The following GRM7 variants were observed in gnomAD, a reference collection of about 807,000 sequenced individuals.
GRM7 encodes the protein metabotropic glutamate receptor 7.
In GRM7, 35 loss-of-function variants were observed where a neutral mutation model predicts 84.5. The ratio of observed to expected loss-of-function variants is 0.41; its 90% CI spans 0.32 to 0.55. The LOEUF is 0.55. Ranked by LOEUF, GRM7 falls within the 20% of genes least tolerant of loss-of-function variation. The pLI, the probability that GRM7 is intolerant of heterozygous loss-of-function variation, is 0.19. For missense variants in GRM7, 1,003 were observed against 1,194.6 expected (o/e 0.84, Z 2.36); for synonymous variants, 487 against 455.1 (o/e 1.07, Z -0.89).
intron 1 of GRM7, among the ~76,000 whole-genome samples, chr3:6,926,598 G>T (rs918378275): frequency 6.6e-6 from 1 of 152,160 alleles, no homozygotes; most frequent in Non-Finnish European, 1.5e-5. Flanking sequence ...GTCTTACAAG[G>T]ATGTGATGGA....
chr3:7,099,427 T>G (rs1698994173), intron 1 of GRM7, among the ~76,000 whole-genome samples: 1 of 149,216 alleles, frequency 6.7e-6, no homozygotes, highest in Non-Finnish European at 1.5e-5. Context: ...TGCATGTATA[T>G]ACGTATACAT....
chr3:7,250,573 G>C (rs538625053), intron 2 of GRM7, among the ~76,000 whole-genome samples: 36 of 27,902 alleles, frequency 1.3e-3, no homozygotes, highest in Non-Finnish European at 1.9e-3. Context: ...AACCAGGCTG[G>C]AGTGCAGTGG....
At chr3:6,970,855 G>A (rs1188023636) in intron 1 of GRM7, among the ~76,000 whole-genome samples, 2 of 152,074 alleles carry the variant, frequency 1.3e-5, no homozygotes, top group South Asian at 2.1e-4. Context: ...GGTGGCGGGC[G>A]CCTGTAGTCC....
intron 1 of GRM7, among the ~76,000 whole-genome samples, chr3:6,966,154 CA>C (rs372701409): frequency 7.1e-4 from 108 of 152,308 alleles, no homozygotes; most frequent in African/African-American, 2.5e-3. Flanking sequence ...GTGACTCCAT[CA>C]GTATGAGCTA....
intron 7 of GRM7, among the ~76,000 whole-genome samples, chr3:7,550,547 T>TTCTCTCTC (rs113713129): frequency 1.9e-5 from 2 of 103,470 alleles, no homozygotes; most frequent in Non-Finnish European, 3.6e-5. Context: ...CTCCCTTTTC[T>TTCTCTCTC]TCTCTCTCTC....
At chr3:7,139,583 A>G (rs1169374812) in intron 1 of GRM7, among the ~76,000 whole-genome samples, 2 of 151,952 alleles carry the variant, frequency 1.3e-5, no homozygotes. Context: ...GAAAGAATGG[A>G]ATACCTTATA....
intron 4 of GRM7, among the ~76,000 whole-genome samples, chr3:7,346,969 C>G (rs1378133116): frequency 3.9e-5 from 6 of 152,180 alleles, no homozygotes; most frequent in African/African-American, 1.4e-4. Flanking sequence ...CCTACACTTT[C>G]TAAAAGAAGC....
At chr3:6,985,132 C>T (rs377347405) in intron 1 of GRM7, among the ~76,000 whole-genome samples, 11 of 152,020 alleles carry the variant, frequency 7.2e-5, no homozygotes, top group Non-Finnish European at 1.3e-4. Flanking sequence ...GTATGTGAGA[C>T]GTCTTGATAC....
intron 1 of GRM7, among the ~76,000 whole-genome samples, chr3:7,035,013 C>T (rs945945908): frequency 2.0e-5 from 3 of 152,014 alleles, no homozygotes; most frequent in African/African-American, 7.2e-5. Flanking sequence ...TTTCTAGGTT[C>T]TTGGGGAGGC....
chr3:7,538,773 T>C (rs971164996), intron 7 of GRM7, among the ~76,000 whole-genome samples: 4 of 152,196 alleles, frequency 2.6e-5, no homozygotes, highest in African/African-American at 4.8e-5. Context: ...AGAAGGCATA[T>C]TGGCTGTTTC....
chr3:7,681,998 G>C (rs1189366145), intron 9 of GRM7: 2 of 152,168 alleles, frequency 1.3e-5, no homozygotes, highest in Non-Finnish European at 2.9e-5. Flanking sequence ...ATGCAGTTAA[G>C]TGTAGATTAA....
rs3840238 is a variant in GRM7 at position 7,594,938 on chromosome 3, C to CTG, written c.2451+15603_2451+15604dup. 7.4e-3 allele frequency among the ~76,000 whole-genome samples: 1,116 copies of CTG among 150,098 alleles called. 10 individuals carry two copies. The highest frequency in any genetic ancestry group is 0.019 in the African/African-American group (794 of 41,024). The stretch of plus-strand genomic sequence containing the variant: ...GCCTTCTATTCCCTAGTCTTCCTTT[C>CTG]TGTGTGTGTGTGTGTGTGTGTGTTT... On this transcript the variant is annotated intron_variant, in intron 8 of 9. Coordinates refer to ENST00000357716, the MANE Select transcript of GRM7 (RefSeq NM_000844.4).
intron 1 of GRM7, among the ~76,000 whole-genome samples, chr3:7,015,384 G>A (rs912197920): frequency 2.0e-5 from 3 of 152,214 alleles, no homozygotes; most frequent in African/African-American, 7.2e-5. Context: ...GAATGAATGT[G>A]AGAGTGAATG....
intron 1 of GRM7, among the ~76,000 whole-genome samples, chr3:7,119,302 A>C (rs2125042265): frequency 6.6e-6 from 1 of 151,992 alleles, no homozygotes; most frequent in East Asian, 1.9e-4. Context: ...CCCTTTCAAA[A>C]CTGATTCCTT....
chr3:7,535,337 C>T (rs1390163147), intron 7 of GRM7: 1 of 151,674 alleles, frequency 6.6e-6, no homozygotes, highest in Non-Finnish European at 1.5e-5. Flanking sequence ...TCATCTGGAA[C>T]AGATAGGGGA....
chr3:7,047,468 A>G (rs1432743679), intron 1 of GRM7, among the ~76,000 whole-genome samples: 1 of 152,076 alleles, frequency 6.6e-6, no homozygotes, highest in Non-Finnish European at 1.5e-5. Flanking sequence ...CTCTCTCACC[A>G]GTGGGAACCA....
chr3:6,970,616 G>A (rs1308199163), intron 1 of GRM7, among the ~76,000 whole-genome samples: 1 of 152,018 alleles, frequency 6.6e-6, no homozygotes, highest in Non-Finnish European at 1.5e-5. Context: ...TCTTAGGCTG[G>A]TGTGTTAAGA....
chr3:7,513,397 CT>C (rs899041571), intron 7 of GRM7, among the ~76,000 whole-genome samples: 17 of 151,180 alleles, frequency 1.1e-4, no homozygotes, highest in East Asian at 3.9e-4. Context: ...AAGATAAAAC[CT>C]TTTTTTTTCT....
At chr3:7,639,365 C>T (rs1698259126) in intron 8 of GRM7, among the ~76,000 whole-genome samples, 1 of 152,198 alleles carries the variant, frequency 6.6e-6, no homozygotes, top group African/African-American at 2.4e-5. Context: ...TCCCATTTAC[C>T]TGATGATCTA....
Sources: gnomAD v4.1 joint callset for allele counts (sites outside exome capture counted in the v4.1 genomes callset) on GRCh38, gnomAD v4.1.1 for gene constraint, MANE v1.5 for transcripts, NCBI Gene and HGNC (gene_info 2026-07-23, HGNC 2026-07-21) for gene names.